Variants in SLC12A2 observed in about 807,000 individuals in gnomAD.
SLC12A2 encodes the protein solute carrier family 12 member 2, also known as Na-K-2Cl cotransporter 1.
Under a neutral mutation model 136.3 loss-of-function variants are expected in SLC12A2, and 67 were observed. The ratio of observed to expected loss-of-function variants is 0.49; its 90% confidence interval spans 0.40 to 0.60. The LOEUF (loss-of-function observed/expected upper bound fraction) is 0.60. SLC12A2 is among the 20% of genes least tolerant of loss of function. The probability of loss-of-function intolerance (pLI) is 0.00; values close to 1 mark genes in which losing one functional copy is unlikely to be tolerated. For missense variants in SLC12A2, 1,322 were observed against 1,534.7 expected, an observed-to-expected ratio of 0.86 and a Z score of 2.32; for synonymous variants, 619 against 562.9, an observed-to-expected ratio of 1.10 and a Z score of -1.41.
Position 128,136,036 on chromosome 5 carries a change from TG to T in SLC12A2, c.1408+230del, listed in dbSNP as rs145695904. Among the ~76,000 whole-genome samples the T allele has an allele frequency of 2.8e-3, 432 of 152,284 alleles. 1 individual carries two copies. Among genetic ancestry groups the T allele is most frequent in the African/African-American group, 9.7e-3 (405 of 41,592 alleles). ...ATTAGCAACAAAAGGTGATAGAATA[TG>T]GAGAAATCAGTGCTGCTAAGAAAAG... On this transcript the variant is annotated intron_variant, in intron 7 of 26. Coordinates refer to ENST00000262461, the MANE Select transcript of SLC12A2 (RefSeq NM_001046.3).
intron 17 of SLC12A2, among the ~76,000 whole-genome samples, chr5:128,162,214 G>A (rs887593627): frequency 2.0e-5 from 3 of 152,054 alleles, no homozygotes; most frequent in African/African-American, 7.2e-5. Context: ...TTGCTTTATA[G>A]GAAAGAAAGC....
chr5:128,181,012 T>A lies in SLC12A2; in HGVS notation c.3212+18T>A, dbSNP rs755008680. ...CGGAGAGCGTAAGTTTATTTCACAT[T>A]GAAGGGCATGAATCTATTAGCACTT... On this transcript the variant is annotated intron_variant, in intron 23 of 26. Transcript: ENST00000262461. The A allele has an allele frequency of 7.4e-7, 1 of 1,360,476 alleles. No homozygotes were observed. The highest frequency in any genetic ancestry group is 1.1e-6 in the Non-Finnish European group (1 of 950,332). 84.3% of individuals were successfully genotyped at this position (1,360,476 alleles called of 1,614,324 possible). A position where few individuals can be genotyped will look rare whatever the true frequency, so the allele number is the denominator to read the frequency against.
At position 128,153,215 on chromosome 5, in the gene SLC12A2, A is replaced by T. The variant is rs527858866; in HGVS notation, c.2363+410A>T. On this transcript the variant is annotated intron_variant, in intron 15 of 26. Coordinates refer to ENST00000262461, the MANE Select transcript of SLC12A2 (RefSeq NM_001046.3). ...TGACAAAGAATCAGTGCTTATACTA[A>T]AGAGCATTTATTACTATTTTCCTCA... Among the ~76,000 whole-genome samples, 6 of 152,368 alleles carry T rather than the reference A, an allele frequency of 3.9e-5. 1 individual carries two copies. In the South Asian group the frequency reaches 1.2e-3, roughly 32 times the overall value.
chr5:128,177,184 C>CT, intron 21 of SLC12A2, 32 bp downstream of exon 21: 1 of 1,492,860 alleles, frequency 6.7e-7, no homozygotes, highest in Non-Finnish European at 9.2e-7. Flanking sequence ...ATTTTAAACC[C>CT]TTTTTCATAC....
At chr5:128,179,565 C>G (rs911999042) in intron 22 of SLC12A2, among the ~76,000 whole-genome samples, 2 of 152,166 alleles carry the variant, frequency 1.3e-5, no homozygotes, top group Admixed American at 1.3e-4. Flanking sequence ...TCTAGAGAAG[C>G]CTCAGGGAGC....
intron 1 of SLC12A2, among the ~76,000 whole-genome samples, chr5:128,091,441 G>A (rs17607339): frequency 6.5e-3 from 997 of 152,250 alleles, no homozygotes; most frequent in Non-Finnish European, 0.01. Flanking sequence ...TTGCTCTTCA[G>A]GTAAAACCAT....
chr5:128,094,936 G>A (rs1030576295), intron 1 of SLC12A2, among the ~76,000 whole-genome samples: 2 of 152,090 alleles, frequency 1.3e-5, no homozygotes, highest in African/African-American at 2.4e-5. Flanking sequence ...GGACAATTGA[G>A]ATACCAAAGA....
intron 4 of SLC12A2, among the ~76,000 whole-genome samples, chr5:128,121,613 C>T (rs550273916): frequency 5.9e-5 from 9 of 152,220 alleles, no homozygotes; most frequent in Middle Eastern, 3.4e-3. Flanking sequence ...TGAGACACTG[C>T]GCCCGGCTGA....
intron 22 of SLC12A2, among the ~76,000 whole-genome samples, chr5:128,180,160 T>C (rs1431783170): frequency 1.3e-5 from 2 of 151,540 alleles, no homozygotes; most frequent in Non-Finnish European, 2.9e-5. Context: ...TTAGTAGAGA[T>C]GGGGTTTCAT....
chr5:128,118,501 T>C (rs1305580946), intron 4 of SLC12A2, among the ~76,000 whole-genome samples: 9 of 152,094 alleles, frequency 5.9e-5, no homozygotes, highest in Non-Finnish European at 1.5e-5. Context: ...TTCTTTCTTA[T>C]AAGTGGGAGG....
intron 18 of SLC12A2, chr5:128,170,242 C>T (rs773203139): frequency 6.6e-6 from 1 of 152,048 alleles, no homozygotes; most frequent in Admixed American, 6.5e-5. Flanking sequence ...TTGATTTAGT[C>T]GATTTATTAA....
intron 4 of SLC12A2, among the ~76,000 whole-genome samples, chr5:128,119,030 T>G (rs1189649883): frequency 6.6e-6 from 1 of 152,158 alleles, no homozygotes; most frequent in Non-Finnish European, 1.5e-5. Context: ...TGAGTTTTGT[T>G]TGCCATTTTA....
At chr5:128,126,967 T>TATATATATATATAA (rs1491322749) in intron 4 of SLC12A2, among the ~76,000 whole-genome samples, 1 of 29,658 alleles carries the variant, frequency 3.4e-5, no homozygotes, top group Non-Finnish European at 6.0e-5. Flanking sequence ...TATATATATA[T>TATATATATATATAA]TTTTTTTTTT....
intron 17 of SLC12A2, among the ~76,000 whole-genome samples, chr5:128,165,107 G>A (rs947813089): frequency 6.6e-6 from 1 of 152,124 alleles, no homozygotes; most frequent in Non-Finnish European, 1.5e-5. Context: ...CTCTCAAAGT[G>A]CTGGGATTAT....
At chr5:128,148,029 G>A (rs572476340) in intron 11 of SLC12A2, among the ~76,000 whole-genome samples, 2 of 151,658 alleles carry the variant, frequency 1.3e-5, no homozygotes, top group African/African-American at 2.4e-5. Flanking sequence ...TTAAGGTATA[G>A]GAGTGCAGTC....
intron 17 of SLC12A2, among the ~76,000 whole-genome samples, chr5:128,164,851 T>C (rs958865692): frequency 6.6e-6 from 1 of 150,376 alleles, no homozygotes; most frequent in African/African-American, 2.4e-5. Flanking sequence ...TGTTTTGTTT[T>C]TTTTTTTTTT....
intron 11 of SLC12A2, 93 bp downstream of exon 11, chr5:128,147,822 C>A: frequency 1.4e-6 from 1 of 727,648 alleles, no homozygotes; most frequent in East Asian, 2.7e-5. Flanking sequence ...TTATTTGCTT[C>A]TATCAACCAT....
chr5:128,096,291 A>G (rs748945376), intron 1 of SLC12A2, among the ~76,000 whole-genome samples: 15 of 152,148 alleles, frequency 9.9e-5, no homozygotes, highest in Non-Finnish European at 2.1e-4. Flanking sequence ...GTTGCTATTA[A>G]GAGTCCTATT....
At chr5:128,099,451 A>G (rs557333591) in intron 1 of SLC12A2, among the ~76,000 whole-genome samples, 16 of 152,338 alleles carry the variant, frequency 1.1e-4, no homozygotes, top group African/African-American at 3.8e-4. Flanking sequence ...GTACACTACT[A>G]TAGACTTACA....
Sources: gnomAD v4.1 joint callset for allele counts (sites outside exome capture counted in the v4.1 genomes callset) on GRCh38, gnomAD v4.1.1 for gene constraint, MANE v1.5 for transcripts, NCBI Gene and HGNC (gene_info 2026-07-23, HGNC 2026-07-21) for gene names.